The following ENAH variants were observed in gnomAD, a reference collection of about 807,000 sequenced individuals.
The protein encoded by ENAH is protein enabled homolog.
Under a neutral mutation model 78.7 loss-of-function variants are expected in ENAH, and 23 were observed. The observed-to-expected ratio is 0.29, with a 90% CI of 0.21 to 0.41. ENAH has a LOEUF of 0.41. Among genes scored for constraint, ENAH ranks in the 10% least tolerant of loss-of-function variants. The pLI, the probability that ENAH is intolerant of heterozygous loss-of-function variation, is 1.00. For synonymous variants in ENAH, 226 were observed against 241.0 expected (o/e 0.94, Z 0.58); for missense variants, 544 against 691.0 (o/e 0.79, Z 2.39).
Position 225,514,639 on chromosome 1 carries a change from A to C in ENAH, c.1175T>G (p.Leu392Arg). 6.2e-7 allele frequency: 1 copy of C among 1,607,628 alleles called. No individual in the cohort carries two copies. The highest frequency in any genetic ancestry group is 8.5e-7 in the Non-Finnish European group (1 of 1,176,942). ...MSEDNRPLTG[L>R]AAAIAGAKLR... Reference sequence around the variant, plus strand: ...TTTTGCTCCGGCAATTGCAGCTGCAAGTCCAGTTAAAGGGCGATTGTCTTC... The same window carrying C: ...TTTTGCTCCGGCAATTGCAGCTGCACGTCCAGTTAAAGGGCGATTGTCTTC... Residue 392 changes from leucine (L) to arginine (R), a missense_variant, in exon 7 of 14, where the codon CTT becomes CGT. Around this residue, in one of 4 missense-constraint regions of ENAH, gnomAD observed 366 missense variants for 396.1 expected, o/e 0.92. Coordinates refer to ENST00000366843, the MANE Select transcript of ENAH (RefSeq NM_018212.6).
chr1:225,578,017 C>T (rs369476327), intron 1 of ENAH, among the ~76,000 whole-genome samples: 4 of 152,064 alleles, frequency 2.6e-5, no homozygotes, highest in South Asian at 4.2e-4. Flanking sequence ...GTGACTCAGG[C>T]GGTAAAAAGA....
At chr1:225,637,393 A>G (rs1660255782) in intron 1 of ENAH, among the ~76,000 whole-genome samples, 1 of 152,162 alleles carries the variant, frequency 6.6e-6, no homozygotes, top group Non-Finnish European at 1.5e-5. Context: ...TTTTTAGTAG[A>G]GACGGGGTTT....
At chr1:225,517,354 G>A in intron 5 of ENAH, 48 bp from the exon 6 acceptor site, 1 of 1,551,742 alleles carries the variant, frequency 6.4e-7, no homozygotes, top group Admixed American at 2.0e-5. Flanking sequence ...GGGAGTTGAG[G>A]CAATAGGGGT....
intron 3 of ENAH, among the ~76,000 whole-genome samples, chr1:225,533,507 A>G (rs1204997514): frequency 6.6e-6 from 1 of 152,148 alleles, no homozygotes; most frequent in East Asian, 1.9e-4. Flanking sequence ...CAAGGTTAAG[A>G]AACTAGTGAA....
Position 225,493,136 on chromosome 1 carries a change from A to G in ENAH, c.*4639T>C, listed in dbSNP as rs562293056. On this transcript the variant is annotated 3_prime_UTR_variant, in exon 14 of 14. Transcript: ENST00000366843. ...TGAAGGTTTCATCTTTCCAGTATTG[A>G]TATTTTAAAAAATCTTGATGTCTCA... The G allele has an allele frequency of 1.3e-5, 2 of 152,304 alleles. No homozygotes were observed. The highest frequency in any genetic ancestry group is 2.4e-5 in the African/African-American group (1 of 41,568). 9.4% of individuals were successfully genotyped at this position (152,304 alleles called of 1,614,324 possible). A position where few individuals can be genotyped will look rare whatever the true frequency, so the allele number is the denominator to read the frequency against.
At chr1:225,584,699 T>C (rs974980563) in intron 1 of ENAH, among the ~76,000 whole-genome samples, 12 of 151,432 alleles carry the variant, frequency 7.9e-5, no homozygotes, top group Admixed American at 1.3e-4. Flanking sequence ...TAAATAAACA[T>C]TGGTAAGCAA....
intron 3 of ENAH, among the ~76,000 whole-genome samples, chr1:225,549,748 G>A (rs2151389282): frequency 6.6e-6 from 1 of 152,276 alleles, no homozygotes; most frequent in Non-Finnish European, 1.5e-5. Flanking sequence ...TCTATGTGAG[G>A]ACAAAGGTAG....
intron 1 of ENAH, among the ~76,000 whole-genome samples, chr1:225,644,537 A>G (rs1661616374): frequency 6.6e-6 from 1 of 152,204 alleles, no homozygotes; most frequent in Non-Finnish European, 1.5e-5. Flanking sequence ...GACTGCATAA[A>G]AAGATCCCTT....
At chr1:225,598,081 T>C (rs2096911427) in intron 1 of ENAH, among the ~76,000 whole-genome samples, 1 of 152,172 alleles carries the variant, frequency 6.6e-6, no homozygotes, top group Non-Finnish European at 1.5e-5. Context: ...TGAAGAAACC[T>C]ACCTTCTTCA....
intron 3 of ENAH, among the ~76,000 whole-genome samples, chr1:225,544,410 A>G (rs1052241027): frequency 2.0e-5 from 3 of 152,238 alleles, no homozygotes; most frequent in African/African-American, 7.2e-5. Flanking sequence ...TGAAGTCACT[A>G]GCTGGACATG....
At chr1:225,548,762 A>G (rs17561095) in intron 3 of ENAH, among the ~76,000 whole-genome samples, 6,541 of 152,286 alleles carry the variant, frequency 0.043, 228 homozygotes, top group South Asian at 0.11. Context: ...GTATGAGAAG[A>G]AAGTAGAGCA....
chr1:225,652,336 C>T (rs1010817394), intron 1 of ENAH: 13 of 985,420 alleles, frequency 1.3e-5, no homozygotes, highest in Non-Finnish European at 1.6e-5. Flanking sequence ...CAGCAACACG[C>T]ACGCTTCGAT....
rs2096447860 is a variant in ENAH, at chr1:225,519,342, C to CCTGCCGCTCCAGGCGTTT, written c.657_658insAAACGCCTGGAGCGGCAG (p.Gln219_Glu220insLysArgLeuGluArgGln). On this transcript the variant is annotated inframe_insertion, in exon 5 of 14. Transcript: ENST00000366843. ...TCTTGCCTCTCCCGATCCAGGCGTT[C>CCTGCCGCTCCAGGCGTTT]CTGCCGCTCCAGGCGTTCCTGCCGC... is the stretch of plus-strand genomic sequence containing the variant. 1 of 1,480,160 alleles carries CCTGCCGCTCCAGGCGTTT rather than the reference C, an allele frequency of 6.8e-7. No individual in the cohort carries two copies. Among genetic ancestry groups the CCTGCCGCTCCAGGCGTTT allele is most frequent in the African/African-American group, 1.5e-5 (1 of 66,902 alleles). The allele number at this position is 1,480,160 out of a possible 1,614,324, so 91.7% of individuals were successfully genotyped here.
rs1214516470 is a variant in ENAH at position 225,497,517 on chromosome 1, G to A, written c.*258C>T. The A allele has an allele frequency of 3.2e-6, 1 of 310,282 alleles. No individual in the cohort carries two copies. The highest frequency in any genetic ancestry group is 6.0e-6 in the Non-Finnish European group (1 of 167,454). 19.2% of individuals were successfully genotyped at this position (310,282 alleles called of 1,614,324 possible). On this transcript the variant is annotated 3_prime_UTR_variant, in exon 14 of 14. Transcript: ENST00000366843. ...GGGTTTTAGTATTTTCTGCATAACT[G>A]TTACAGGAACTCTTAAATGATTCTC...
At chr1:225,611,631 T>A (rs947054028) in intron 1 of ENAH, among the ~76,000 whole-genome samples, 52 of 151,762 alleles carry the variant, frequency 3.4e-4, no homozygotes, top group Non-Finnish European at 4.7e-4. Flanking sequence ...AAAAAAAAAT[T>A]TTTTAATTAG....
intron 2 of ENAH, among the ~76,000 whole-genome samples, chr1:225,562,601 A>AC (rs1558819801): frequency 6.0e-5 from 8 of 133,426 alleles, no homozygotes; most frequent in Admixed American, 2.3e-4. Flanking sequence ...AAAAAAAAAA[A>AC]ACACACCCAA....
intron 1 of ENAH, among the ~76,000 whole-genome samples, chr1:225,638,317 C>G (rs545042036): frequency 6.6e-6 from 1 of 152,212 alleles, no homozygotes; most frequent in South Asian, 2.1e-4. Flanking sequence ...CACCACCACA[C>G]CCAGCTAATA....
intron 1 of ENAH, among the ~76,000 whole-genome samples, chr1:225,625,995 A>G (rs1657885474): frequency 6.6e-6 from 1 of 152,202 alleles, no homozygotes; most frequent in African/African-American, 2.4e-5. Flanking sequence ...TGCAAGTTGG[A>G]CTTTACCAGT....
intron 1 of ENAH, among the ~76,000 whole-genome samples, chr1:225,585,702 T>A (rs2096842789): frequency 6.6e-6 from 1 of 152,054 alleles, no homozygotes; most frequent in South Asian, 2.1e-4. Context: ...GGTGGGAGAA[T>A]TGCTTGAGCC....
Sources: allele counts gnomAD v4.1 joint callset (sites outside exome capture counted in the v4.1 genomes callset), GRCh38; gene constraint gnomAD v4.1.1; regional missense constraint gnomAD v4.1.1; transcripts MANE v1.5; gene names NCBI Gene and HGNC (gene_info 2026-07-23, HGNC 2026-07-21).